The following SLC39A11 variants were observed in gnomAD, a reference collection of about 807,000 sequenced individuals.
SLC39A11 encodes the protein solute carrier family 39 member 11, also known as zinc transporter ZIP11.
SLC39A11 carries 33 observed loss-of-function variants against 36.1 expected under a neutral mutation model. The ratio of observed to expected loss-of-function variants is 0.91; its 90% confidence interval spans 0.69 to 1.22. The LOEUF (loss-of-function observed/expected upper bound fraction) is 1.22. Ranked by LOEUF, SLC39A11 falls within the 50% of genes most tolerant of loss-of-function variation. The probability of loss-of-function intolerance (pLI) is 0.00; values close to 1 mark genes in which losing one functional copy is unlikely to be tolerated. For synonymous variants in SLC39A11, 166 were observed against 170.3 expected, an observed-to-expected ratio of 0.97 and a Z score of 0.20; for missense variants, 432 against 430.3, an observed-to-expected ratio of 1.00 and a Z score of -0.03.
intron 6 of SLC39A11, among the ~76,000 whole-genome samples, chr17:72,784,231 G>A (rs1318616717): frequency 6.6e-6 from 1 of 152,142 alleles, no homozygotes; most frequent in Non-Finnish European, 1.5e-5. Context: ...TGTAATCCCA[G>A]TTACTCCAGA....
intron 6 of SLC39A11, among the ~76,000 whole-genome samples, chr17:72,834,768 TCTTG>T (rs1173355261): frequency 6.6e-6 from 1 of 152,242 alleles, no homozygotes; most frequent in Non-Finnish European, 1.5e-5. Context: ...ATTCAAATTC[TCTTG>T]CTTTAGTTTT....
chr17:72,946,420 C>T (rs1230648052), intron 5 of SLC39A11, among the ~76,000 whole-genome samples: 1 of 152,176 alleles, frequency 6.6e-6, no homozygotes, highest in Non-Finnish European at 1.5e-5. Flanking sequence ...GATACCAGAG[C>T]CCTGGCTGCA....
intron 5 of SLC39A11, among the ~76,000 whole-genome samples, chr17:72,911,131 A>G (rs371211276): frequency 5.1e-4 from 78 of 152,196 alleles, no homozygotes; most frequent in Admixed American, 1.5e-3. Flanking sequence ...CTGTACACAT[A>G]AAATAAAATA....
At chr17:72,770,627 A>G (rs1274402496) in intron 6 of SLC39A11, among the ~76,000 whole-genome samples, 1 of 152,054 alleles carries the variant, frequency 6.6e-6, no homozygotes, top group African/African-American at 2.4e-5. Flanking sequence ...CTCCCAGTCA[A>G]TCTCATCTCA....
chr17:73,078,464 T>A (rs1330838241), intron 3 of SLC39A11, among the ~76,000 whole-genome samples: 2 of 151,250 alleles, frequency 1.3e-5, no homozygotes, highest in Non-Finnish European at 2.9e-5. Context: ...TAAAACTGTT[T>A]CATTAGTCTT....
chr17:72,750,800 C>T (rs1325168226), intron 6 of SLC39A11, among the ~76,000 whole-genome samples: 1 of 150,620 alleles, frequency 6.6e-6, no homozygotes, highest in African/African-American at 2.4e-5. Context: ...AAAAAAAAAA[C>T]TGCCTTCCTT....
At chr17:73,059,467 G>C (rs2059770871) in intron 3 of SLC39A11, among the ~76,000 whole-genome samples, 1 of 152,072 alleles carries the variant, frequency 6.6e-6, no homozygotes, top group African/African-American at 2.4e-5. Context: ...AGGAGTTCGA[G>C]ACCAGCCTGA....
intron 3 of SLC39A11, among the ~76,000 whole-genome samples, chr17:73,076,695 C>T (rs1390845025): frequency 6.6e-6 from 1 of 152,206 alleles, no homozygotes; most frequent in African/African-American, 2.4e-5. Flanking sequence ...ACTGACCTGA[C>T]ACTCACTACG....
chr17:72,654,563 C>A (rs1208070118), intron 7 of SLC39A11, among the ~76,000 whole-genome samples: 1 of 152,210 alleles, frequency 6.6e-6, no homozygotes, highest in African/African-American at 2.4e-5. Flanking sequence ...CCCAGATAGA[C>A]CCTCAGGGGG....
At chr17:72,649,856 G>A (rs2069770581) in intron 7 of SLC39A11, among the ~76,000 whole-genome samples, 1 of 151,902 alleles carries the variant, frequency 6.6e-6, no homozygotes, top group Non-Finnish European at 1.5e-5. Flanking sequence ...GCCTCCCAAA[G>A]TGCTGGGATT....
intron 6 of SLC39A11, among the ~76,000 whole-genome samples, chr17:72,825,898 C>T (rs1302026962): frequency 2.0e-5 from 3 of 152,198 alleles, no homozygotes; most frequent in African/African-American, 7.2e-5. Flanking sequence ...ATTTTACAGG[C>T]TCATAGGTGG....
chr17:73,067,852 G>C, intron 3 of SLC39A11: 1 of 1,601,728 alleles, frequency 6.2e-7, no homozygotes. Flanking sequence ...GTAGCAAGTT[G>C]ATTTTCTTTG....
chr17:72,888,958 A>G (rs967083285), intron 5 of SLC39A11, among the ~76,000 whole-genome samples: 10 of 152,182 alleles, frequency 6.6e-5, no homozygotes, highest in Non-Finnish European at 1.5e-4. Context: ...AACTAGATAC[A>G]GTTGCAGAGA....
chr17:72,800,632 G>A (rs958854304), intron 6 of SLC39A11, among the ~76,000 whole-genome samples: 12 of 152,058 alleles, frequency 7.9e-5, no homozygotes, highest in South Asian at 2.1e-4. Flanking sequence ...TTTTAAAGCA[G>A]CCAAGAGACT....
chr17:72,794,892 G>C (rs2076842986), intron 6 of SLC39A11, among the ~76,000 whole-genome samples: 1 of 152,084 alleles, frequency 6.6e-6, no homozygotes, highest in Non-Finnish European at 1.5e-5. Context: ...GATGGGGAAA[G>C]AAAGGCACAA....
chr17:72,994,734 T>C (rs1438566500), intron 4 of SLC39A11, among the ~76,000 whole-genome samples: 2 of 152,308 alleles, frequency 1.3e-5, no homozygotes, highest in South Asian at 4.1e-4. Flanking sequence ...GCTTGATCTC[T>C]GTGCATCATT....
chr17:72,835,043 G>A (rs1055344870), intron 6 of SLC39A11, among the ~76,000 whole-genome samples: 5 of 152,234 alleles, frequency 3.3e-5, no homozygotes, highest in East Asian at 1.9e-4. Context: ...CCCTCTGGGC[G>A]TTGGTGCCAA....
At chr17:72,811,866 A>G (rs768423774) in intron 6 of SLC39A11, among the ~76,000 whole-genome samples, 18 of 152,212 alleles carry the variant, frequency 1.2e-4, no homozygotes, top group Non-Finnish European at 2.1e-4. Context: ...TTTATACTCA[A>G]CTAGCTTAGT....
chr17:73,029,607 G>C (rs1023057833), intron 4 of SLC39A11, among the ~76,000 whole-genome samples: 3 of 151,548 alleles, frequency 2.0e-5, no homozygotes, highest in African/African-American at 7.3e-5. Flanking sequence ...TTTGAGACAG[G>C]GTCTTGCTCT....
Sources: gnomAD v4.1 joint callset for allele counts (sites outside exome capture counted in the v4.1 genomes callset) on GRCh38, gnomAD v4.1.1 for gene constraint, MANE v1.5 for transcripts, NCBI Gene and HGNC (gene_info 2026-07-23, HGNC 2026-07-21) for gene names.